Variants in TMEM150C observed in about 807,000 individuals in gnomAD.
TMEM150C encodes the protein tentonin 3.
In TMEM150C, 10 loss-of-function variants were observed where a neutral mutation model predicts 29.9. The observed-to-expected ratio is 0.33, with a 90% CI of 0.21 to 0.57. The LOEUF (loss-of-function observed/expected upper bound fraction) is 0.57, where lower values mean the gene tolerates loss of function less well. TMEM150C is among the 20% of genes least tolerant of loss of function. The pLI is 0.88. For missense variants in TMEM150C, 251 were observed against 303.6 expected, an observed-to-expected ratio of 0.83 and a Z score of 1.29; for synonymous variants, 101 against 112.5, an observed-to-expected ratio of 0.90 and a Z score of 0.64.
intron 6 of TMEM150C, chr4:82,495,671 G>A: frequency 3.4e-6 from 1 of 292,750 alleles, no homozygotes. Flanking sequence ...GCATGGCCAT[G>A]GGTCAAGATA....
rs116806244 is a variant in TMEM150C at position 82,485,238 on chromosome 4, G to A, written c.*273C>T. 205 of 375,382 alleles carry A rather than the reference G, an allele frequency of 5.5e-4. No homozygotes were observed. Among genetic ancestry groups the A allele is most frequent in the African/African-American group, 4.0e-3 (193 of 48,394 alleles). The allele number at this position is 375,382 out of a possible 1,614,324, so 23.3% of individuals were successfully genotyped here. A position where few individuals can be genotyped will look rare whatever the true frequency, so the allele number is the denominator to read the frequency against. ...AGAATGGGAAGAGGAGGGAGTGCTG[G>A]GAAGGGGACGGATAAGAAGTGATCA... is the stretch of plus-strand genomic sequence containing the variant. On this transcript the variant is annotated 3_prime_UTR_variant, in exon 8 of 8. Coordinates refer to ENST00000449862, the MANE Select transcript of TMEM150C (RefSeq NM_001080506.3).
intron 1 of TMEM150C, among the ~76,000 whole-genome samples, chr4:82,552,661 G>A (rs975475167): frequency 6.6e-6 from 1 of 152,196 alleles, no homozygotes; most frequent in African/African-American, 2.4e-5. Context: ...TTTGGTGTCT[G>A]AGCTCCCCGA....
At chr4:82,536,652 G>C (rs1235998790) in intron 1 of TMEM150C, among the ~76,000 whole-genome samples, 2 of 151,992 alleles carry the variant, frequency 1.3e-5, no homozygotes, top group Non-Finnish European at 2.9e-5. Flanking sequence ...AGAGGTGGGA[G>C]GATCGCTTAA....
At chr4:82,508,155 C>A (rs757832230) in intron 1 of TMEM150C, among the ~76,000 whole-genome samples, 4 of 151,866 alleles carry the variant, frequency 2.6e-5, no homozygotes, top group Non-Finnish European at 5.9e-5. Flanking sequence ...AAAGTGTCAC[C>A]CAAACTTTAC....
At chr4:82,504,538 G>T (rs1723840463) in intron 2 of TMEM150C, 40 bp downstream of exon 2, 2 of 1,535,876 alleles carry the variant, frequency 1.3e-6, no homozygotes, top group African/African-American at 1.4e-5. Flanking sequence ...TATCTACATT[G>T]CACCTGAATC....
At chr4:82,524,914 C>T (rs887221983) in intron 1 of TMEM150C, among the ~76,000 whole-genome samples, 1 of 152,152 alleles carries the variant, frequency 6.6e-6, no homozygotes, top group Non-Finnish European at 1.5e-5. Flanking sequence ...ACCGCTCAAA[C>T]AAAGGCACAG....
At chr4:82,515,907 C>T (rs1425599944) in intron 1 of TMEM150C, among the ~76,000 whole-genome samples, 1 of 152,108 alleles carries the variant, frequency 6.6e-6, no homozygotes, top group African/African-American at 2.4e-5. Flanking sequence ...CCCTGGTCTA[C>T]AGCTTTGAAA....
intron 1 of TMEM150C, among the ~76,000 whole-genome samples, chr4:82,526,522 A>G (rs1297722948): frequency 1.3e-5 from 2 of 152,204 alleles, no homozygotes; most frequent in Non-Finnish European, 2.9e-5. Context: ...AGTACTTTAC[A>G]TGGATTCTCT....
chr4:82,532,558 C>T (rs928194526), intron 1 of TMEM150C, among the ~76,000 whole-genome samples: 3 of 151,874 alleles, frequency 2.0e-5, no homozygotes, highest in Middle Eastern at 6.8e-3. Context: ...TGCAAAGTAG[C>T]GTTATAAAGT....
chr4:82,530,512 G>A (rs748401337), intron 1 of TMEM150C, among the ~76,000 whole-genome samples: 10 of 152,208 alleles, frequency 6.6e-5, no homozygotes, highest in East Asian at 1.9e-4. Context: ...AGCCAAGATC[G>A]CGCCACCGCA....
intron 1 of TMEM150C, among the ~76,000 whole-genome samples, chr4:82,557,247 G>A (rs778815802): frequency 3.9e-5 from 6 of 152,174 alleles, no homozygotes; most frequent in Non-Finnish European, 8.8e-5. Flanking sequence ...ACCTTAAGTG[G>A]ATTTGGTAAT....
intron 1 of TMEM150C, among the ~76,000 whole-genome samples, chr4:82,516,201 C>T (rs531235561): frequency 2.4e-4 from 36 of 152,236 alleles, no homozygotes; most frequent in African/African-American, 7.2e-4. Context: ...TGGTAGAACA[C>T]GAAGACTAAG....
chr4:82,485,781 G>A, intron 7 of TMEM150C, 62 bp from the exon 8 acceptor site: 1 of 1,439,252 alleles, frequency 6.9e-7, no homozygotes, highest in South Asian at 1.3e-5. Context: ...AATCTTTTCA[G>A]GGCAGAGACA....
intron 1 of TMEM150C, among the ~76,000 whole-genome samples, chr4:82,523,529 T>A (rs956112081): frequency 1.3e-5 from 2 of 152,126 alleles, no homozygotes; most frequent in Non-Finnish European, 2.9e-5. Context: ...CCATTTTGGG[T>A]GGACCCAGTT....
At chr4:82,559,843 G>A (rs77500911) in intron 1 of TMEM150C, among the ~76,000 whole-genome samples, 12,893 of 152,248 alleles carry the variant, frequency 0.085, 655 homozygotes, top group Middle Eastern at 0.23. Context: ...TGGCCAGATT[G>A]CAGTGAAACC....
chr4:82,505,324 G>C (rs1560484842), intron 1 of TMEM150C, among the ~76,000 whole-genome samples: 1 of 152,164 alleles, frequency 6.6e-6, no homozygotes, highest in East Asian at 1.9e-4. Flanking sequence ...TGAGATTACA[G>C]GCATGAGCCA....
At chr4:82,494,259 A>T (rs919473861) in intron 6 of TMEM150C, among the ~76,000 whole-genome samples, 2 of 152,202 alleles carry the variant, frequency 1.3e-5, no homozygotes, top group Non-Finnish European at 2.9e-5. Context: ...AACCACTGTC[A>T]TAGTACAGAG....
At chr4:82,497,674 G>C (rs1185299625) in intron 5 of TMEM150C, among the ~76,000 whole-genome samples, 2 of 152,132 alleles carry the variant, frequency 1.3e-5, no homozygotes, top group Non-Finnish European at 2.9e-5. Flanking sequence ...ACCGACTATT[G>C]ATCAGAAAAT....
chr4:82,548,419 G>A (rs1725455017), intron 1 of TMEM150C, among the ~76,000 whole-genome samples: 1 of 152,108 alleles, frequency 6.6e-6, no homozygotes, highest in South Asian at 2.1e-4. Context: ...TTAATAAAAT[G>A]TAATATATTT....
Sources: allele counts gnomAD v4.1 joint callset (sites outside exome capture counted in the v4.1 genomes callset), GRCh38; gene constraint gnomAD v4.1.1; transcripts MANE v1.5; gene names NCBI Gene and HGNC (gene_info 2026-07-23, HGNC 2026-07-21).